EVI5: variants seen among roughly 807,000 people sequenced by gnomAD.
The protein encoded by EVI5 is ecotropic viral integration site 5, also known as ecotropic viral integration site 5 protein homolog.
Under a neutral mutation model 112.0 loss-of-function variants are expected in EVI5, and 73 were observed. The ratio of observed to expected loss-of-function variants is 0.65; its 90% CI spans 0.54 to 0.79. EVI5 has a LOEUF of 0.79. Among genes scored for constraint, EVI5 ranks in the 30% least tolerant of loss-of-function variants. The pLI is 0.00. For missense variants in EVI5, 900 were observed against 968.8 expected (o/e 0.93, Z 0.94); for synonymous variants, 305 against 319.9 (o/e 0.95, Z 0.50).
chr1:92,544,125 A>C (rs1401175611), intron 19 of EVI5, among the ~76,000 whole-genome samples: 7 of 152,208 alleles, frequency 4.6e-5, no homozygotes, highest in African/African-American at 1.7e-4. Context: ...AGAATTGGGA[A>C]ATGTGTAGAG....
At chr1:92,613,685 C>T (rs1571890449) in intron 16 of EVI5, among the ~76,000 whole-genome samples, 1 of 152,152 alleles carries the variant, frequency 6.6e-6, no homozygotes. Flanking sequence ...AACTCCTGGG[C>T]TCAAGCGATC....
At chr1:92,740,559 G>A (rs537276125) in intron 1 of EVI5, among the ~76,000 whole-genome samples, 20 of 152,176 alleles carry the variant, frequency 1.3e-4, no homozygotes, top group Non-Finnish European at 2.4e-4. Context: ...TTCCTTCCTC[G>A]AGATGAGTGG....
At chr1:92,556,577 A>G (rs1371663741) in intron 19 of EVI5, among the ~76,000 whole-genome samples, 1 of 151,980 alleles carries the variant, frequency 6.6e-6, no homozygotes, top group Non-Finnish European at 1.5e-5. Flanking sequence ...GTTTCCAAGA[A>G]CCTACTGACA....
chr1:92,675,953 C>G (rs1396937461), intron 10 of EVI5, among the ~76,000 whole-genome samples: 8 of 124,714 alleles, frequency 6.4e-5, no homozygotes, highest in Non-Finnish European at 1.3e-4. Context: ...GAGACTTCGT[C>G]TCAAAAAAAA....
chr1:92,605,560 A>T (rs968379205), intron 17 of EVI5, among the ~76,000 whole-genome samples, 158 bp from the exon 18 acceptor site: 3 of 152,222 alleles, frequency 2.0e-5, no homozygotes, highest in Non-Finnish European at 4.4e-5. Context: ...CATACAACGA[A>T]GCAGTGAGAT....
intron 14 of EVI5, among the ~76,000 whole-genome samples, chr1:92,630,042 C>A (rs1376120234): frequency 6.6e-6 from 1 of 152,040 alleles, no homozygotes; most frequent in Non-Finnish European, 1.5e-5. Flanking sequence ...GTATATGTGC[C>A]ACATTTTCTT....
At chr1:92,678,302 G>C (rs1336766706) in intron 9 of EVI5, among the ~76,000 whole-genome samples, 1 of 152,158 alleles carries the variant, frequency 6.6e-6, no homozygotes, top group African/African-American at 2.4e-5. Flanking sequence ...GGGCCAAGGG[G>C]GGCCAAGTGC....
At chr1:92,709,966 G>A (rs1412362724) in intron 2 of EVI5, among the ~76,000 whole-genome samples, 1 of 150,512 alleles carries the variant, frequency 6.6e-6, no homozygotes, top group Non-Finnish European at 1.5e-5. Context: ...CTGGGAAAAT[G>A]GTAATACAGC....
intron 18 of EVI5, among the ~76,000 whole-genome samples, chr1:92,588,907 G>A (rs1162039580): frequency 6.6e-6 from 1 of 152,164 alleles, no homozygotes; most frequent in African/African-American, 2.4e-5. Context: ...TGGCTAGTAT[G>A]CCGATATTGG....
chr1:92,773,922 T>G (rs1001171803), intron 1 of EVI5: 3 of 151,596 alleles, frequency 2.0e-5, no homozygotes, highest in African/African-American at 7.3e-5. Context: ...TCCCAGCTAC[T>G]CAGGAGGCTG....
At chr1:92,558,588 C>T (rs1420197160) in intron 19 of EVI5, among the ~76,000 whole-genome samples, 1 of 152,188 alleles carries the variant, frequency 6.6e-6, no homozygotes, top group East Asian at 1.9e-4. Context: ...CATGTTTGAT[C>T]TTATCTGGAC....
intron 18 of EVI5, among the ~76,000 whole-genome samples, chr1:92,568,092 G>T (rs1032318940): frequency 2.6e-5 from 4 of 151,974 alleles, no homozygotes; most frequent in Admixed American, 2.6e-4. Flanking sequence ...ATAAATTTCT[G>T]GCTGGGCGTG....
At chr1:92,519,514 A>T (rs187865916) in intron 19 of EVI5, among the ~76,000 whole-genome samples, 1 of 152,316 alleles carries the variant, frequency 6.6e-6, no homozygotes, top group Admixed American at 6.5e-5. Flanking sequence ...CCAGCAAAAC[A>T]CTCACATTAA....
chr1:92,611,128 C>CAAAA (rs35864378), intron 16 of EVI5, among the ~76,000 whole-genome samples: 139 of 149,166 alleles, frequency 9.3e-4, no homozygotes, highest in African/African-American at 2.2e-3. Flanking sequence ...TAAATCCCCC[C>CAAAA]AAAAAAAAGA....
intron 19 of EVI5, among the ~76,000 whole-genome samples, chr1:92,530,625 A>T (rs967442140): frequency 9.9e-5 from 15 of 151,978 alleles, no homozygotes; most frequent in Non-Finnish European, 2.9e-5. Context: ...TGCAGCATCC[A>T]CTGGTGATAC....
chr1:92,747,524 G>A (rs1679458567), intron 1 of EVI5, among the ~76,000 whole-genome samples: 2 of 151,904 alleles, frequency 1.3e-5, no homozygotes, highest in South Asian at 4.2e-4. Context: ...GACTAGCCTG[G>A]CCAATATGAC....
chr1:92,755,075 T>G lies in EVI5; in HGVS notation c.-81-18448A>C, dbSNP rs902974362. ...TGGGTGATGTGAACATAGGTTTTTT[T>G]TTTTTTTTTTTTTTGCATCTGAAAT... is the stretch of plus-strand genomic sequence containing the variant. On this transcript the variant is annotated intron_variant, in intron 1 of 19. Transcript: ENST00000684568. Among the ~76,000 whole-genome samples, 15 of 151,000 alleles carry G rather than the reference T, an allele frequency of 9.9e-5. 1 individual carries two copies. Among genetic ancestry groups the G allele is most frequent in the African/African-American group, 2.9e-4 (12 of 41,264 alleles).
intron 1 of EVI5, among the ~76,000 whole-genome samples, chr1:92,750,860 A>G (rs1193519780): frequency 6.9e-6 from 1 of 144,680 alleles, no homozygotes; most frequent in Non-Finnish European, 1.6e-5. Flanking sequence ...TAATTAAAAC[A>G]TATTTTTGGG....
intron 13 of EVI5, among the ~76,000 whole-genome samples, chr1:92,657,761 T>C (rs1173583489): frequency 2.6e-5 from 4 of 152,204 alleles, no homozygotes; most frequent in African/African-American, 4.8e-5. Context: ...AGAGGTTTAA[T>C]AGGCTTATGG....
Sources: gnomAD v4.1 joint callset for allele counts (sites outside exome capture counted in the v4.1 genomes callset) on GRCh38, gnomAD v4.1.1 for gene constraint, MANE v1.5 for transcripts, NCBI Gene and HGNC (gene_info 2026-07-23, HGNC 2026-07-21) for gene names.